Variants in RELL1 observed in about 807,000 individuals in gnomAD.
The protein encoded by RELL1 is RELT like 1, also known as RELT-like protein 1.
Under a neutral mutation model 23.0 loss-of-function variants are expected in RELL1, and 10 were observed. The observed-to-expected ratio is 0.43, with a 90% CI of 0.27 to 0.74. The LOEUF (loss-of-function observed/expected upper bound fraction) is 0.74. Ranked by LOEUF, RELL1 falls within the 30% of genes least tolerant of loss-of-function variation. RELL1 has a pLI of 0.19. For synonymous variants in RELL1, 146 were observed against 146.8 expected, an observed-to-expected ratio of 0.99 and a Z score of 0.04; for missense variants, 315 against 364.4, an observed-to-expected ratio of 0.86 and a Z score of 1.10.
intron 1 of RELL1, among the ~76,000 whole-genome samples, chr4:37,659,170 C>G (rs1721230844): frequency 6.6e-6 from 1 of 152,206 alleles, no homozygotes; most frequent in African/African-American, 2.4e-5. Flanking sequence ...AAATGTCCAA[C>G]ACAAAGGCCA....
intron 6 of RELL1, among the ~76,000 whole-genome samples, chr4:37,624,459 G>A (rs1335731818): frequency 2.3e-5 from 3 of 130,602 alleles, no homozygotes; most frequent in Admixed American, 1.8e-4. Context: ...TCCCTCTGTC[G>A]CCCAGGCTGG....
chr4:37,676,089 A>G (rs749892823), intron 1 of RELL1, among the ~76,000 whole-genome samples: 1 of 152,160 alleles, frequency 6.6e-6, no homozygotes, highest in Non-Finnish European at 1.5e-5. Flanking sequence ...TCCAGAGAGC[A>G]TGCCCAACCT....
chr4:37,647,982 G>A (rs1041794371), intron 2 of RELL1, among the ~76,000 whole-genome samples: 5 of 152,140 alleles, frequency 3.3e-5, no homozygotes, highest in East Asian at 1.9e-4. Flanking sequence ...TCTGTACCAG[G>A]AGCATACATG....
At chr4:37,591,628 T>C (rs1438611050) in intron 6 of RELL1, 1 of 152,208 alleles carries the variant, frequency 6.6e-6, no homozygotes, top group African/African-American at 2.4e-5. Flanking sequence ...GAGATGTTGA[T>C]TTTAAAACAC....
In RELL1 at chr4:37,631,390, A is replaced by G. The variant is rs1230093311; in HGVS notation, c.814T>C (p.Ter272GlnextTer3). 6.2e-7 allele frequency: 1 copy of G among 1,613,024 alleles called. No individual in the cohort carries two copies. The highest frequency in any genetic ancestry group is 1.7e-5 in the Admixed American group (1 of 59,908). Residue 272 changes from the stop codon to glutamine (Q), a stop_lost, in exon 6 of 7, where the codon TAG (stop) becomes CAG (glutamine). Coordinates refer to ENST00000454158, the MANE Select transcript of RELL1 (RefSeq NM_001085400.2). ...PVKRERSGTE[*>Q] The stretch of plus-strand genomic sequence containing the variant: ...TCACCAAAACCACGGCTCACCTGCT[A>G]CTCTGTGCCACTGCGTTCTCTCTTC...
downstream of RELL1, among the ~76,000 whole-genome samples, chr4:37,607,343 G>T (rs551113190): frequency 6.6e-6 from 1 of 152,284 alleles, no homozygotes; most frequent in East Asian, 1.9e-4. Flanking sequence ...ACGGGGAAAT[G>T]GAGGGAAGGG....
chr4:37,668,884 G>T (rs1346312529), intron 1 of RELL1, among the ~76,000 whole-genome samples: 1 of 151,404 alleles, frequency 6.6e-6, no homozygotes, highest in Non-Finnish European at 1.5e-5. Context: ...TCCGGGATGT[G>T]AGGAGCGTCT....
intron 6 of RELL1, among the ~76,000 whole-genome samples, chr4:37,603,970 CA>C (rs2109490631): frequency 6.6e-6 from 1 of 152,316 alleles, no homozygotes; most frequent in African/African-American, 2.4e-5. Context: ...AGGCACGGGC[CA>C]TCATGCTCGG....
chr4:37,639,780 T>C (rs752844158), intron 3 of RELL1, among the ~76,000 whole-genome samples: 15 of 152,334 alleles, frequency 9.8e-5, no homozygotes, highest in Non-Finnish European at 1.6e-4. Context: ...AAAGAACAAA[T>C]AAAAATCACT....
In RELL1 at chr4:37,666,504, C is replaced by T. The variant is rs1721537940; in HGVS notation, c.89-17004G>A. On this transcript the variant is annotated intron_variant, in intron 1 of 6. Coordinates refer to ENST00000454158, the MANE Select transcript of RELL1 (RefSeq NM_001085400.2). ...TTACTAGGGTTTATCCAAGTTAAGA[C>T]TTGATAAATGCTAGCCATTATTGCT... Among the ~76,000 whole-genome samples the T allele has an allele frequency of 3.3e-5, 5 of 152,222 alleles. No homozygotes were observed. The South Asian group carries it at 1.0e-3, about 32-fold the overall frequency.
At chr4:37,604,242 A>C (rs73807844) in intron 6 of RELL1, among the ~76,000 whole-genome samples, 17,762 of 152,186 alleles carry the variant, frequency 0.12, 1,185 homozygotes, top group East Asian at 0.28. Flanking sequence ...CATGAAAGCC[A>C]GTTAGTGACC....
chr4:37,655,242 AAT>A (rs34057942), intron 1 of RELL1, among the ~76,000 whole-genome samples: 77,439 of 149,948 alleles, frequency 0.52, 20,248 homozygotes, highest in Middle Eastern at 0.6. Flanking sequence ...TGTGATGGGA[AAT>A]ATATATATAT....
At chr4:37,619,489 CT>C (rs1719697173) in intron 6 of RELL1, among the ~76,000 whole-genome samples, 1 of 152,140 alleles carries the variant, frequency 6.6e-6, no homozygotes, top group Non-Finnish European at 1.5e-5. Flanking sequence ...CCCCTGCACC[CT>C]TTTAACCAAG....
At chr4:37,619,118 A>T (rs1719679704) in intron 6 of RELL1, among the ~76,000 whole-genome samples, 2 of 151,418 alleles carry the variant, frequency 1.3e-5, no homozygotes, top group East Asian at 2.0e-4. Flanking sequence ...ACCTCAGGTG[A>T]TCTACCTGCC....
chr4:37,636,973 A>G (rs1720353442), intron 4 of RELL1, among the ~76,000 whole-genome samples: 1 of 152,252 alleles, frequency 6.6e-6, no homozygotes, highest in Admixed American at 6.5e-5. Context: ...GTTAAAATAA[A>G]AACACAAAGC....
At chr4:37,632,100 A>AC (rs1453072934) in intron 5 of RELL1, among the ~76,000 whole-genome samples, 1 of 151,006 alleles carries the variant, frequency 6.6e-6, no homozygotes, top group Non-Finnish European at 1.5e-5. Flanking sequence ...AAAAAAAAAA[A>AC]AAAAAAAAAC....
At chr4:37,630,367 T>TG (rs1414156373) in intron 6 of RELL1, among the ~76,000 whole-genome samples, 33 of 116,468 alleles carry the variant, frequency 2.8e-4, no homozygotes, top group African/African-American at 8.6e-4. Flanking sequence ...TTTTTTTTTT[T>TG]TTTTTTTTTT....
intron 6 of RELL1, among the ~76,000 whole-genome samples, chr4:37,619,982 T>TA (rs1491336628): frequency 6.6e-6 from 1 of 152,228 alleles, no homozygotes; most frequent in African/African-American, 2.4e-5. Flanking sequence ...GGGCATTTTT[T>TA]ATGTTTATTG....
At chr4:37,665,266 G>A (rs1345421458) in intron 1 of RELL1, 1 of 456,194 alleles carries the variant, frequency 2.2e-6, no homozygotes, top group Non-Finnish European at 4.4e-6. Flanking sequence ...TTCAGAGCTG[G>A]ACAACTGATA....
Sources: gnomAD v4.1 joint callset for allele counts (sites outside exome capture counted in the v4.1 genomes callset) on GRCh38, gnomAD v4.1.1 for gene constraint, MANE v1.5 for transcripts, NCBI Gene and HGNC (gene_info 2026-07-23, HGNC 2026-07-21) for gene names.